FAM107B: variants seen among roughly 807,000 people sequenced by gnomAD.
FAM107B encodes family with sequence similarity 107 member B, also known as protein FAM107B.
FAM107B carries 21 observed loss-of-function variants against 31.5 expected under a neutral mutation model. The observed-to-expected ratio is 0.67, with a 90% CI of 0.47 to 0.96. The LOEUF (loss-of-function observed/expected upper bound fraction) is 0.96, where lower values mean the gene tolerates loss of function less well. FAM107B is among the 40% of genes least tolerant of loss of function. The probability of loss-of-function intolerance (pLI) is 0.00; values close to 1 mark genes in which losing one functional copy is unlikely to be tolerated. For synonymous variants in FAM107B, 157 were observed against 141.5 expected, an observed-to-expected ratio of 1.11 and a Z score of -0.78; for missense variants, 452 against 377.1, an observed-to-expected ratio of 1.20 and a Z score of -1.64.
intron 1 of FAM107B, among the ~76,000 whole-genome samples, chr10:14,769,854 G>C (rs1249606661): frequency 6.6e-6 from 1 of 152,210 alleles, no homozygotes; most frequent in East Asian, 1.9e-4. Flanking sequence ...ACTTTTAGTT[G>C]CTTAGTGTGT....
chr10:14,709,066 G>T (rs1299563541), intron 1 of FAM107B, among the ~76,000 whole-genome samples: 1 of 152,218 alleles, frequency 6.6e-6, no homozygotes, highest in Non-Finnish European at 1.5e-5. Flanking sequence ...CCAGGATGTG[G>T]AGCAGTGGGA....
Position 14,520,850 on chromosome 10 carries a change from G to C in FAM107B, c.*340C>G, listed in dbSNP as rs1384282104. The C allele has an allele frequency of 4.4e-6, 1 of 224,998 alleles. No individual in the cohort carries two copies. The highest frequency in any genetic ancestry group is 8.5e-6 in the Non-Finnish European group (1 of 116,992). The allele number at this position is 224,998 out of a possible 1,614,324, so 13.9% of individuals were successfully genotyped here. The stretch of plus-strand genomic sequence containing the variant: ...TCTGGGTCCCACGAAACTTGGAATG[G>C]AAGAAAAACCAAGTAGTGCAACTCT... On this transcript the variant is annotated 3_prime_UTR_variant, in exon 5 of 5. Transcript: ENST00000181796.
chr10:14,561,475 C>G (rs985986082), intron 2 of FAM107B, among the ~76,000 whole-genome samples: 6 of 152,144 alleles, frequency 3.9e-5, no homozygotes, highest in Admixed American at 3.9e-4. Flanking sequence ...GACGGAGCAG[C>G]AAACACAGAG....
intron 2 of FAM107B, among the ~76,000 whole-genome samples, chr10:14,586,192 C>T (rs558655167): frequency 6.6e-6 from 1 of 152,294 alleles, no homozygotes; most frequent in South Asian, 2.1e-4. Flanking sequence ...GCCTCACTCT[C>T]ACTTCTACAA....
intron 2 of FAM107B, among the ~76,000 whole-genome samples, chr10:14,660,463 G>C (rs1051138006): frequency 2.0e-5 from 3 of 152,152 alleles, no homozygotes; most frequent in African/African-American, 7.2e-5. Flanking sequence ...GCCCACAAGG[G>C]AATGAATGAA....
At chr10:14,739,588 C>T (rs1361669445) in intron 1 of FAM107B, among the ~76,000 whole-genome samples, 2 of 151,298 alleles carry the variant, frequency 1.3e-5, no homozygotes, top group African/African-American at 4.9e-5. Context: ...CAATTATCAT[C>T]AGTGCCTGGC....
At chr10:14,751,854 G>A (rs1832833929) in intron 1 of FAM107B, among the ~76,000 whole-genome samples, 1 of 152,052 alleles carries the variant, frequency 6.6e-6, no homozygotes, top group South Asian at 2.1e-4. Context: ...CCAGGCCTGG[G>A]CTTCCACTTC....
intron 2 of FAM107B, among the ~76,000 whole-genome samples, chr10:14,604,813 T>G (rs1002704392): frequency 2.0e-4 from 31 of 151,978 alleles, no homozygotes; most frequent in African/African-American, 7.2e-4. Context: ...CTCTCTCCCT[T>G]AATCTCTTTC....
At chr10:14,620,954 A>C (rs980918345) in intron 2 of FAM107B, among the ~76,000 whole-genome samples, 8 of 152,224 alleles carry the variant, frequency 5.3e-5, no homozygotes, top group African/African-American at 1.9e-4. Flanking sequence ...ATGTTATTGT[A>C]AATTATACAT....
intron 1 of FAM107B, among the ~76,000 whole-genome samples, chr10:14,756,658 A>G (rs1263428127): frequency 6.6e-6 from 1 of 152,244 alleles, no homozygotes; most frequent in African/African-American, 2.4e-5. Context: ...CAATCCCATT[A>G]CCGGGTATAC....
chr10:14,723,616 A>G (rs1441623572), intron 1 of FAM107B: 1 of 699,032 alleles, frequency 1.4e-6, no homozygotes, highest in South Asian at 1.4e-5. Flanking sequence ...TGTGTGACAC[A>G]GAGCAATGAT....
chr10:14,633,213 C>T (rs144118993), intron 2 of FAM107B, among the ~76,000 whole-genome samples: 3,317 of 147,916 alleles, frequency 0.022, 50 homozygotes, highest in East Asian at 0.048. Context: ...AAAAAAAAAT[C>T]ATACGGCTGG....
chr10:14,566,926 C>T (rs1850719449), intron 2 of FAM107B, among the ~76,000 whole-genome samples: 2 of 152,094 alleles, frequency 1.3e-5, no homozygotes, highest in Non-Finnish European at 2.9e-5. Context: ...CCGAGGCGGG[C>T]AAAACACAAG....
At chr10:14,648,759 GTCA>G (rs1853828806) in intron 2 of FAM107B, among the ~76,000 whole-genome samples, 2 of 152,260 alleles carry the variant, frequency 1.3e-5, no homozygotes, top group Non-Finnish European at 2.9e-5. Context: ...CAGAACCCAC[GTCA>G]TCTAGCCCAG....
rs76099406 is a variant in FAM107B, at chr10:14,592,756, C to T, written c.470-62241G>A. 6.0e-3 allele frequency among the ~76,000 whole-genome samples: 916 copies of T among 152,332 alleles called. 9 individuals are homozygous for T. The highest frequency in any genetic ancestry group is 0.021 in the African/African-American group (887 of 41,560). On this transcript the variant is annotated intron_variant, in intron 2 of 4. Transcript: ENST00000181796. ...ATTCTGGAATGGAAAAAGAAACAGACTGGGGCCTGCTTCTAACTCCTGCGC... is the reference window on the plus strand; with the variant it reads ...ATTCTGGAATGGAAAAAGAAACAGATTGGGGCCTGCTTCTAACTCCTGCGC...
chr10:14,526,731 G>A (rs1344214957), intron 3 of FAM107B, among the ~76,000 whole-genome samples: 1 of 152,110 alleles, frequency 6.6e-6, no homozygotes, highest in Non-Finnish European at 1.5e-5. Flanking sequence ...AAATATACAA[G>A]CCAAAGAACC....
chr10:14,737,706 G>A (rs1856334048), intron 1 of FAM107B, among the ~76,000 whole-genome samples: 1 of 151,402 alleles, frequency 6.6e-6, no homozygotes, highest in African/African-American at 2.4e-5. Context: ...CCAATCGAGA[G>A]GTTTCCCTGA....
At chr10:14,737,944 G>A (rs1856347007) in intron 1 of FAM107B, among the ~76,000 whole-genome samples, 1 of 152,068 alleles carries the variant, frequency 6.6e-6, no homozygotes, top group Non-Finnish European at 1.5e-5. Flanking sequence ...ATGTATTCAT[G>A]GATAAAAACT....
At chr10:14,633,600 T>C (rs1014228322) in intron 2 of FAM107B, among the ~76,000 whole-genome samples, 2 of 152,200 alleles carry the variant, frequency 1.3e-5, no homozygotes, top group African/African-American at 4.8e-5. Context: ...TAATCTGTAA[T>C]CCACAGAATA....
Sources: gnomAD v4.1 joint callset for allele counts (sites outside exome capture counted in the v4.1 genomes callset) on GRCh38, gnomAD v4.1.1 for gene constraint, MANE v1.5 for transcripts, NCBI Gene and HGNC (gene_info 2026-07-23, HGNC 2026-07-21) for gene names.